Variants in TAF2 observed in about 807,000 individuals in gnomAD.
The protein encoded by TAF2 is TATA-box binding protein associated factor 2.
Under a neutral mutation model 138.5 loss-of-function variants are expected in TAF2, and 61 were observed. The observed-to-expected ratio is 0.44, with a 90% CI of 0.36 to 0.54. The LOEUF (loss-of-function observed/expected upper bound fraction) is 0.54. Ranked by LOEUF, TAF2 falls within the 20% of genes least tolerant of loss-of-function variation. TAF2 has a pLI of 0.00. For synonymous variants in TAF2, 475 were observed against 469.9 expected (o/e 1.01, Z -0.14); for missense variants, 1,090 against 1,427.9 (o/e 0.76, Z 3.81).
chr8:119,782,102 T>G (rs1822704406), intron 16 of TAF2, among the ~76,000 whole-genome samples: 1 of 152,218 alleles, frequency 6.6e-6, no homozygotes, highest in Admixed American at 6.5e-5. Flanking sequence ...TAGTCTGTCT[T>G]TATTCGTTTA....
At chr8:119,799,092 T>A (rs903491045) in intron 6 of TAF2, among the ~76,000 whole-genome samples, 2 of 152,070 alleles carry the variant, frequency 1.3e-5, no homozygotes, top group Non-Finnish European at 2.9e-5. Context: ...TAGCTCAGAG[T>A]AGAAAAAAAA....
At chr8:119,744,227 T>A (rs1819793033) in intron 24 of TAF2, 61 bp downstream of exon 24, 1 of 1,384,672 alleles carries the variant, frequency 7.2e-7, no homozygotes, top group Admixed American at 1.7e-5. Flanking sequence ...TAACACACAT[T>A]AGAATACTGA....
intron 22 of TAF2, among the ~76,000 whole-genome samples, chr8:119,752,317 T>C (rs964435453): frequency 6.6e-6 from 1 of 152,170 alleles, no homozygotes; most frequent in African/African-American, 2.4e-5. Flanking sequence ...TGTGTGTATA[T>C]ATTTACAAAG....
At chr8:119,778,259 C>A (rs1238614425) in intron 17 of TAF2, 130 bp from the exon 18 acceptor site, 1 of 597,214 alleles carries the variant, frequency 1.7e-6, no homozygotes, top group Non-Finnish European at 3.0e-6. Flanking sequence ...CTAACACCTC[C>A]ACACCCCAAC....
intron 2 of TAF2, among the ~76,000 whole-genome samples, chr8:119,830,967 C>T (rs565009569): frequency 5.9e-5 from 9 of 152,108 alleles, no homozygotes; most frequent in Admixed American, 2.0e-4. Context: ...ATAAGCTGGG[C>T]GTGGTCATGC....
chr8:119,779,171 A>G (rs1022484707), intron 17 of TAF2, among the ~76,000 whole-genome samples: 7 of 151,942 alleles, frequency 4.6e-5, no homozygotes, highest in African/African-American at 1.7e-4. Flanking sequence ...AGAAAGGTGA[A>G]TTGGTATAAA....
intron 2 of TAF2, among the ~76,000 whole-genome samples, chr8:119,823,425 C>T (rs990691432): frequency 1.3e-5 from 2 of 152,054 alleles, no homozygotes; most frequent in South Asian, 2.1e-4. Flanking sequence ...TCTCATAAAG[C>T]GAATAAATCT....
intron 25 of TAF2, among the ~76,000 whole-genome samples, chr8:119,740,619 C>T (rs1483430073): frequency 3.5e-5 from 5 of 141,238 alleles, no homozygotes; most frequent in African/African-American, 5.3e-5. Flanking sequence ...GAGCCAAGAT[C>T]GCATCACTGC....
intron 5 of TAF2, among the ~76,000 whole-genome samples, chr8:119,802,325 A>G (rs1824320407): frequency 6.6e-6 from 1 of 152,218 alleles, no homozygotes; most frequent in Non-Finnish European, 1.5e-5. Flanking sequence ...TTGTATCCGC[A>G]TATTAGTCAG....
chr8:119,737,825 G>A (rs954620615), intron 25 of TAF2, among the ~76,000 whole-genome samples: 2 of 151,810 alleles, frequency 1.3e-5, no homozygotes, highest in Admixed American at 6.6e-5. Flanking sequence ...TTTTTTTAAA[G>A]GAGAAATTAA....
chr8:119,760,213 A>G (rs1820969764), intron 20 of TAF2, among the ~76,000 whole-genome samples: 1 of 152,070 alleles, frequency 6.6e-6, no homozygotes, highest in African/African-American at 2.4e-5. Context: ...TGCCTTGCCT[A>G]ATTCCCCTCC....
At chr8:119,766,502 A>T (rs1289052566) in intron 18 of TAF2, among the ~76,000 whole-genome samples, 1 of 152,232 alleles carries the variant, frequency 6.6e-6, no homozygotes, top group African/African-American at 2.4e-5. Flanking sequence ...AGTTCTGCTT[A>T]CCAGTGACGA....
chr8:119,736,011 T>G (rs1175490092), intron 25 of TAF2, among the ~76,000 whole-genome samples: 1 of 152,200 alleles, frequency 6.6e-6, no homozygotes, highest in African/African-American at 2.4e-5. Context: ...TCTTCTGCAT[T>G]TCAGAGGAGA....
chr8:119,756,748 A>C (rs1466706987), intron 21 of TAF2, among the ~76,000 whole-genome samples: 1 of 152,178 alleles, frequency 6.6e-6, no homozygotes, highest in Non-Finnish European at 1.5e-5. Context: ...TTTTTATCTC[A>C]TATCAGAGGC....
intron 14 of TAF2, 79 bp from the exon 15 acceptor site, chr8:119,785,345 ATAAAG>A (rs1822944211): frequency 1.0e-6 from 1 of 986,066 alleles, no homozygotes; most frequent in Non-Finnish European, 1.6e-6. Context: ...TAAAATTCAA[ATAAAG>A]TATTTCACAC....
At chr8:119,780,922 G>A (rs2131132714) in intron 17 of TAF2, 131 bp downstream of exon 17, 2 of 936,354 alleles carry the variant, frequency 2.1e-6, no homozygotes, top group South Asian at 3.5e-5. Flanking sequence ...GCGACAGAGT[G>A]AGACTCTGTC....
Position 119,781,154 on chromosome 8 carries a change from C to T in TAF2, c.2152G>A (p.Ala718Thr). The T allele has an allele frequency of 6.2e-7, 1 of 1,614,124 alleles. No individual in the cohort carries two copies. Among genetic ancestry groups the T allele is most frequent in the Non-Finnish European group, 8.5e-7 (1 of 1,180,014 alleles). Residue 718 changes from alanine (A) to threonine (T), a missense_variant, in exon 17 of 26, where the codon GCC becomes ACC. Ala to Thr is a moderately conservative substitution (Grantham distance 58). Around this residue, in one of 3 missense-constraint regions of TAF2, gnomAD observed 580 missense variants for 719.6 expected, o/e 0.81. Transcript: ENST00000378164. ...ATCCTAGTGAAGAGTGACTTCATGG[C>T]TGGTGGTCCTGTCCATGTGCTCACC... ...SMVSTWTGPP[A>T]MKSLFTRMFC...
At chr8:119,780,731 G>C (rs4871597) in intron 17 of TAF2, among the ~76,000 whole-genome samples, 107,988 of 151,806 alleles carry the variant, frequency 0.71, 38,566 homozygotes, top group Middle Eastern at 0.85. Flanking sequence ...GTCAGGAGAT[G>C]AAAACCATCC....
intron 4 of TAF2, among the ~76,000 whole-genome samples, chr8:119,805,091 CTTGA>C (rs1203273794): frequency 6.6e-6 from 1 of 152,076 alleles, no homozygotes; most frequent in Non-Finnish European, 1.5e-5. Flanking sequence ...CTTTTACTTC[CTTGA>C]TTAATTTTTA....
Sources: allele counts gnomAD v4.1 joint callset (sites outside exome capture counted in the v4.1 genomes callset), GRCh38; gene constraint gnomAD v4.1.1; regional missense constraint gnomAD v4.1.1; transcripts MANE v1.5; gene names NCBI Gene and HGNC (gene_info 2026-07-23, HGNC 2026-07-21).